Variants in ROBO1 observed in about 807,000 individuals in gnomAD.
ROBO1 encodes the protein roundabout guidance receptor 1, also known as roundabout homolog 1.
ROBO1 carries 149 observed loss-of-function variants against 195.9 expected under a neutral mutation model. The observed-to-expected ratio is 0.76, with a 90% CI of 0.67 to 0.87. ROBO1 has a LOEUF of 0.87. Ranked by LOEUF, ROBO1 falls within the 40% of genes least tolerant of loss-of-function variation. ROBO1 has a pLI of 0.00. For synonymous variants in ROBO1, 816 were observed against 733.2 expected, an observed-to-expected ratio of 1.11 and a Z score of -1.82; for missense variants, 1,933 against 2,068.3, an observed-to-expected ratio of 0.93 and a Z score of 1.27.
At chr3:78,842,904 T>C (rs899040962) in intron 4 of ROBO1, among the ~76,000 whole-genome samples, 1 of 152,018 alleles carries the variant, frequency 6.6e-6, no homozygotes, top group Non-Finnish European at 1.5e-5. Context: ...AGGACATTTA[T>C]ACCAGATTAT....
At chr3:79,090,644 C>G (rs1576662125) in intron 3 of ROBO1, among the ~76,000 whole-genome samples, 2 of 152,094 alleles carry the variant, frequency 1.3e-5, no homozygotes, top group Non-Finnish European at 2.9e-5. Flanking sequence ...GTTACTACCT[C>G]TATGAGTTTG....
intron 2 of ROBO1, among the ~76,000 whole-genome samples, chr3:79,472,555 C>T (rs1025422948): frequency 1.1e-4 from 17 of 152,110 alleles, no homozygotes; most frequent in African/African-American, 4.1e-4. Context: ...ACTACTTTGG[C>T]ACATTTCAAA....
At chr3:79,173,249 C>A (rs2081198028) in intron 2 of ROBO1, among the ~76,000 whole-genome samples, 1 of 152,110 alleles carries the variant, frequency 6.6e-6, no homozygotes, top group Non-Finnish European at 1.5e-5. Flanking sequence ...ACTTGAGGAG[C>A]CCTTCAGCCC....
At chr3:78,963,669 C>T (rs2041522086) in intron 3 of ROBO1, among the ~76,000 whole-genome samples, 1 of 151,622 alleles carries the variant, frequency 6.6e-6, no homozygotes, top group South Asian at 2.1e-4. Flanking sequence ...CAGGCGCCGC[C>T]ACCACGCCTG....
At chr3:79,725,375 C>T (rs1204868849) in intron 1 of ROBO1, among the ~76,000 whole-genome samples, 4 of 151,254 alleles carry the variant, frequency 2.6e-5, no homozygotes, top group South Asian at 2.1e-4. Flanking sequence ...TACAGGCGCC[C>T]GCCACCACGC....
At chr3:78,845,426 C>T (rs541932799) in intron 4 of ROBO1, among the ~76,000 whole-genome samples, 3 of 152,108 alleles carry the variant, frequency 2.0e-5, no homozygotes, top group Non-Finnish European at 4.4e-5. Context: ...TAAAATTACA[C>T]ATGTGGCTCA....
Position 78,831,319 on chromosome 3 carries a change from T to C in ROBO1, c.500-84419A>G, listed in dbSNP as rs368529478. Among the ~76,000 whole-genome samples the C allele has an allele frequency of 1.2e-4, 18 of 152,298 alleles. 1 individual carries two copies. The East Asian group carries it at 2.7e-3, about 23-fold the overall frequency. On this transcript the variant is annotated intron_variant, in intron 4 of 30. Transcript: ENST00000464233. The stretch of plus-strand genomic sequence containing the variant: ...AGGTTTGGTGACACAAATACCAAAG[T>C]TGACCTGCCTAAAAAATGAAATTAC...
chr3:79,326,628 G>C lies in ROBO1; in HGVS notation c.89-201089C>G, dbSNP rs1458670266. Among the ~76,000 whole-genome samples, 3 of 152,284 alleles carry C rather than the reference G, an allele frequency of 2.0e-5. No individual in the cohort carries two copies. In the East Asian group the frequency reaches 5.8e-4, roughly 29 times the overall value. On this transcript the variant is annotated intron_variant, in intron 2 of 30. Coordinates refer to ENST00000464233, the MANE Select transcript of ROBO1 (RefSeq NM_002941.4). The stretch of plus-strand genomic sequence containing the variant: ...AAAAAGGAAAACCAATATGAATTGT[G>C]AGCTGTTAGGTTGACACAAAAGTAA...
intron 3 of ROBO1, among the ~76,000 whole-genome samples, chr3:78,981,788 A>AACAC (rs375186931): frequency 0.077 from 10,801 of 140,676 alleles, 426 homozygotes; most frequent in Non-Finnish European, 0.1. Flanking sequence ...GGCCCCTGCC[A>AACAC]ACACACACAC....
intron 1 of ROBO1, among the ~76,000 whole-genome samples, chr3:79,648,445 C>T (rs1945899912): frequency 6.6e-6 from 1 of 152,078 alleles, no homozygotes; most frequent in African/African-American, 2.4e-5. Context: ...CTGATCACAA[C>T]TATAAAAACA....
chr3:79,447,281 T>C (rs1055118415), intron 2 of ROBO1, among the ~76,000 whole-genome samples: 11 of 152,166 alleles, frequency 7.2e-5, no homozygotes, highest in Non-Finnish European at 1.5e-5. Context: ...ATGTATGGTC[T>C]GGACCACAGA....
At chr3:79,197,115 A>C (rs1354726838) in intron 2 of ROBO1, among the ~76,000 whole-genome samples, 1 of 151,712 alleles carries the variant, frequency 6.6e-6, no homozygotes, top group South Asian at 2.1e-4. Flanking sequence ...AGGTATACAC[A>C]TGCCATGTTG....
chr3:79,755,646 T>G (rs1704351019), intron 1 of ROBO1, among the ~76,000 whole-genome samples: 1 of 149,100 alleles, frequency 6.7e-6, no homozygotes, highest in African/African-American at 2.4e-5. Flanking sequence ...AATCAGAATG[T>G]GAATCATTAT....
intron 2 of ROBO1, among the ~76,000 whole-genome samples, chr3:79,299,526 A>T (rs988213723): frequency 6.6e-6 from 1 of 151,804 alleles, no homozygotes; most frequent in African/African-American, 2.4e-5. Flanking sequence ...TGTACTAATA[A>T]ATGTTAACAA....
Position 79,256,089 on chromosome 3 carries a change from T to TG in ROBO1, c.89-130551_89-130550insC, listed in dbSNP as rs552512969. Among the ~76,000 whole-genome samples, 10 of 152,338 alleles carry TG rather than the reference T, an allele frequency of 6.6e-5. No homozygotes were observed. In the South Asian group the frequency reaches 1.2e-3, roughly 19 times the overall value. On this transcript the variant is annotated intron_variant, in intron 2 of 30. Coordinates refer to ENST00000464233, the MANE Select transcript of ROBO1 (RefSeq NM_002941.4). ...CACACACAATTTTCATTCTAATGGTTTTTGTTTGTTTGACTGGCTTTTTCC... is the reference window on the plus strand; with the variant it reads ...CACACACAATTTTCATTCTAATGGTTGTTTGTTTGTTTGACTGGCTTTTTCC...
intron 5 of ROBO1, among the ~76,000 whole-genome samples, chr3:78,737,583 T>C (rs975664106): frequency 6.6e-6 from 1 of 152,222 alleles, no homozygotes; most frequent in Non-Finnish European, 1.5e-5. Context: ...ATCAAATGTC[T>C]TCCATAAGAT....
chr3:78,811,474 C>T (rs1485867316), intron 4 of ROBO1, among the ~76,000 whole-genome samples: 1 of 152,136 alleles, frequency 6.6e-6, no homozygotes, highest in Non-Finnish European at 1.5e-5. Flanking sequence ...TACATATCTA[C>T]TGTGATCTTT....
intron 4 of ROBO1, among the ~76,000 whole-genome samples, chr3:78,916,418 G>A (rs1418469159): frequency 2.0e-5 from 3 of 150,972 alleles, no homozygotes; most frequent in East Asian, 2.0e-4. Flanking sequence ...CAGGTGTGGG[G>A]GCGGGTGCCT....
At chr3:78,826,649 G>A (rs1338673388) in intron 4 of ROBO1, among the ~76,000 whole-genome samples, 1 of 152,158 alleles carries the variant, frequency 6.6e-6, no homozygotes, top group Non-Finnish European at 1.5e-5. Context: ...ATGTTCCATT[G>A]AATTGTTTCA....
Sources: allele counts gnomAD v4.1 joint callset (sites outside exome capture counted in the v4.1 genomes callset), GRCh38; gene constraint gnomAD v4.1.1; transcripts MANE v1.5; gene names NCBI Gene and HGNC (gene_info 2026-07-23, HGNC 2026-07-21).